Variants in KLHL11 observed in about 807,000 individuals in gnomAD.
KLHL11 encodes the protein kelch like family member 11, also known as kelch-like protein 11.
In KLHL11, 26 loss-of-function variants were observed where a neutral mutation model predicts 56.1. The ratio of observed to expected loss-of-function variants is 0.46; its 90% CI spans 0.34 to 0.64. KLHL11 has a LOEUF of 0.64. Among genes scored for constraint, KLHL11 ranks in the 30% least tolerant of loss-of-function variants. The pLI is 0.01. For missense variants in KLHL11, 627 were observed against 919.4 expected, an observed-to-expected ratio of 0.68 and a Z score of 4.11; for synonymous variants, 338 against 345.8, an observed-to-expected ratio of 0.98 and a Z score of 0.25.
rs1420491156 is a variant in KLHL11, at chr17:41,854,584, G to C, written c.1283C>G (p.Pro428Arg). 38 of 1,614,032 alleles carry C rather than the reference G, an allele frequency of 2.4e-5. No homozygotes were observed. Among genetic ancestry groups the C allele is most frequent in the Non-Finnish European group, 3.2e-5 (38 of 1,180,028 alleles). Residue 428 changes from proline to arginine, a missense_variant, in exon 2 of 2, where the codon CCA becomes CGA. Physicochemically the swap from Pro to Arg is moderately radical, Grantham distance 103. Around this residue, in one of 4 missense-constraint regions of KLHL11, gnomAD observed 250 missense variants for 360.6 expected, o/e 0.69. Coordinates refer to ENST00000319121, the MANE Select transcript of KLHL11 (RefSeq NM_018143.3). The surrounding 1 kb of genome is among the most constrained non-coding windows in gnomAD (Gnocchi z 4.9). ...GFAKTVERYNPNLNTWEHVCS... is the reference protein window; with the variant it reads ...GFAKTVERYNRNLNTWEHVCS... ...AACATGTTCCCATGTATTCAAATTTGGGTTATACCTTTCTACAGTTTTAGC... is the reference window on the plus strand; with the variant it reads ...AACATGTTCCCATGTATTCAAATTTCGGTTATACCTTTCTACAGTTTTAGC...
At position 41,854,538 on chromosome 17, in the gene KLHL11, C is replaced by G; in HGVS notation, c.1329G>C (p.Lys443Asn). The G allele has an allele frequency of 6.2e-7, 1 of 1,614,182 alleles. No individual in the cohort carries two copies. Among genetic ancestry groups the G allele is most frequent in the Non-Finnish European group, 8.5e-7 (1 of 1,180,028 alleles). Reference sequence around the variant, plus strand: ...TGACTTCTGTTAGTCCAAAAGAATGCTTTCTTGTCATCAGACTACAAACAT... The same window carrying G: ...TGACTTCTGTTAGTCCAAAAGAATGGTTTCTTGTCATCAGACTACAAACAT... ...WEHVCSLMTR[K>N]HSFGLTEVKG... Residue 443 changes from lysine to asparagine, a missense_variant, in exon 2 of 2, where the codon AAG becomes AAC. Lys to Asn is a moderately conservative substitution (Grantham distance 94). Coordinates refer to ENST00000319121, the MANE Select transcript of KLHL11 (RefSeq NM_018143.3). The surrounding 1 kb of genome is among the most constrained non-coding windows in gnomAD (Gnocchi z 4.9).
At chr17:41,861,019 A>C (rs1464911954) in intron 1 of KLHL11, among the ~76,000 whole-genome samples, 1 of 152,228 alleles carries the variant, frequency 6.6e-6, no homozygotes, top group Non-Finnish European at 1.5e-5. Flanking sequence ...ACAGGGATGC[A>C]AACAGGCTTT....
At chr17:41,861,259 C>T (rs1174580877) in intron 1 of KLHL11, among the ~76,000 whole-genome samples, 3 of 152,186 alleles carry the variant, frequency 2.0e-5, no homozygotes, top group Non-Finnish European at 1.5e-5. Flanking sequence ...ATTCCAAGCC[C>T]CTATTCCTTT....
At position 41,849,384 on chromosome 17, in the gene KLHL11, GAC is replaced by G. The variant is rs2048319414; in HGVS notation, c.*4354_*4355del. 1 of 152,086 alleles carries G rather than the reference GAC, an allele frequency of 6.6e-6. No homozygotes were observed. The highest frequency in any genetic ancestry group is 2.4e-5 in the African/African-American group (1 of 41,380). 9.4% of individuals were successfully genotyped at this position (152,086 alleles called of 1,614,324 possible). On this transcript the variant is annotated 3_prime_UTR_variant, in exon 2 of 2. Coordinates refer to ENST00000319121, the MANE Select transcript of KLHL11 (RefSeq NM_018143.3). Reference sequence around the variant, plus strand: ...TCCTGTCTACATACAGTATAGTGTTGACTTTAGAATTACAAAGCAGAAAATGA... The same window carrying G: ...TCCTGTCTACATACAGTATAGTGTTGTTTAGAATTACAAAGCAGAAAATGA...
chr17:41,855,110 G>T lies in KLHL11; in HGVS notation c.757C>A (p.Leu253Ile), dbSNP rs782389445. 6.2e-7 allele frequency: 1 copy of T among 1,614,090 alleles called. No homozygotes were observed. The highest frequency in any genetic ancestry group is 8.5e-7 in the Non-Finnish European group (1 of 1,179,970). Residue 253 changes from leucine (L) to isoleucine (I), a missense_variant, in exon 2 of 2, where the codon CTT (leucine) becomes ATT (isoleucine). Leu to Ile is a conservative substitution (Grantham distance 5, BLOSUM62 2). Transcript: ENST00000319121. ...TLPFHLIRDWLSDLEITVDSE... is the reference protein window; with the variant it reads ...TLPFHLIRDWISDLEITVDSE... ...TCAACTGTAATTTCCAAATCTGAAA[G>T]CCAGTCTCTAATGAGATGGAAAGGT...
rs782573058 is a variant in KLHL11, at chr17:41,865,257, G to C, written c.114C>G (p.Ala38=). The part of the protein sequence containing the change: ...TAAAGSAGLA[A]EVRGSGTVDF... ...CCACCGTGCCGCTGCCTCGGACCTC[G>C]GCGGCCAGTCCTGCCGAGCCGGCGG... Residue 38 remains alanine (A), a synonymous_variant, in exon 1 of 2, where the codon GCC becomes GCG. Coordinates refer to ENST00000319121, the MANE Select transcript of KLHL11 (RefSeq NM_018143.3). 3 of 1,586,136 alleles carry C rather than the reference G, an allele frequency of 1.9e-6. No homozygotes were observed. In the Admixed American group the frequency reaches 5.2e-5, roughly 27 times the overall value.
chr17:41,862,439 A>AT (rs35656663), intron 1 of KLHL11, among the ~76,000 whole-genome samples: 21,523 of 145,140 alleles, frequency 0.15, 1,682 homozygotes, highest in East Asian at 0.18. Flanking sequence ...TGCCTGGCTA[A>AT]TTTTTTTTTT....
intron 1 of KLHL11, among the ~76,000 whole-genome samples, chr17:41,861,777 T>C (rs1420785115): frequency 2.0e-5 from 3 of 151,206 alleles, no homozygotes; most frequent in Non-Finnish European, 4.4e-5. Flanking sequence ...TCCCGACAGT[T>C]CCCTTCTTGG....
In KLHL11 at chr17:41,853,248, T is replaced by C. The variant is rs1320820981; in HGVS notation, c.*492A>G. ...ATTCTCAAATTATCTTGCTGAAATA[T>C]TGAGTGTTTTCATTCAAATTTCAGT... On this transcript the variant is annotated 3_prime_UTR_variant, in exon 2 of 2. Transcript: ENST00000319121. 2.0e-5 allele frequency among the ~76,000 whole-genome samples: 3 copies of C among 152,222 alleles called. No homozygotes were observed. The highest frequency in any genetic ancestry group is 6.5e-5 in the Admixed American group (1 of 15,280).
intron 1 of KLHL11, among the ~76,000 whole-genome samples, chr17:41,860,292 T>A (rs1376794673): frequency 1.3e-5 from 2 of 151,864 alleles, no homozygotes; most frequent in African/African-American, 4.8e-5. Flanking sequence ...ACACTTGGCA[T>A]CTGTCATGTG....
At position 41,855,125 on chromosome 17, in the gene KLHL11, G is replaced by C. The variant is rs782014124; in HGVS notation, c.742C>G (p.Leu248Val). 3.7e-6 allele frequency: 6 copies of C among 1,613,976 alleles called. No individual in the cohort carries two copies. Among genetic ancestry groups the C allele is most frequent in the South Asian group, 1.1e-5 (1 of 91,078 alleles). ...DEEFYTLPFH[L>V]IRDWLSDLEI... ...AAATCTGAAAGCCAGTCTCTAATGA[G>C]ATGGAAAGGTAACGTATAAAATTCT... The change falls in exon 2 of 2, where the codon CTC becomes GTC. Residue 248 changes from leucine to valine, a missense_variant. Leu to Val is a conservative substitution (Grantham distance 32). Coordinates refer to ENST00000319121, the MANE Select transcript of KLHL11 (RefSeq NM_018143.3).
intron 1 of KLHL11, 113 bp from the exon 2 acceptor site, chr17:41,855,434 AG>A (rs2048358681): frequency 4.1e-6 from 3 of 732,892 alleles, no homozygotes; most frequent in Non-Finnish European, 6.5e-6. Context: ...GTTGGAGTGC[AG>A]TGGCGTGATC....
intron 1 of KLHL11, among the ~76,000 whole-genome samples, chr17:41,858,263 G>A (rs1402025717): frequency 2.6e-4 from 31 of 119,684 alleles, no homozygotes; most frequent in African/African-American, 8.0e-4. Flanking sequence ...GATTCTCACC[G>A]TTACCCAGGC....
At chr17:41,861,871 C>T (rs2048405443) in intron 1 of KLHL11, among the ~76,000 whole-genome samples, 1 of 152,096 alleles carries the variant, frequency 6.6e-6, no homozygotes, top group African/African-American at 2.4e-5. Flanking sequence ...TTCAGCAGCA[C>T]ACAGACATGC....
In KLHL11 at chr17:41,865,334, C is replaced by G; in HGVS notation, c.37G>C (p.Ala13Pro). The stretch of plus-strand genomic sequence containing the variant: ...AGTACCTGAAGAGATGCAGCCGCGG[C>G]CGCCGCCGCCGCCGCCGCCACTGCC... ...AAAVAAAAAA[A>P]AAASLQVLEM... The change falls in exon 1 of 2, where the codon GCC becomes CCC. Residue 13 changes from alanine to proline, a missense_variant. Coordinates refer to ENST00000319121, the MANE Select transcript of KLHL11 (RefSeq NM_018143.3). The G allele has an allele frequency of 1.4e-6, 2 of 1,379,414 alleles. No homozygotes were observed. Among genetic ancestry groups the G allele is most frequent in the Non-Finnish European group, 9.4e-7 (1 of 1,068,848 alleles). 85.4% of individuals were successfully genotyped at this position (1,379,414 alleles called of 1,614,324 possible). A position where few individuals can be genotyped will look rare whatever the true frequency, so the allele number is the denominator to read the frequency against.
chr17:41,857,189 A>C (rs1302205208), intron 1 of KLHL11, among the ~76,000 whole-genome samples: 1 of 151,596 alleles, frequency 6.6e-6, no homozygotes, highest in Non-Finnish European at 1.5e-5. Flanking sequence ...CCTGGGCAAC[A>C]TAGCAAGACT....
rs138987988 is a variant in KLHL11 at position 41,854,926 on chromosome 17, T to C, written c.941A>G (p.Asn314Ser). The C allele has an allele frequency of 2.0e-5, 33 of 1,614,130 alleles. No homozygotes were observed. The highest frequency in any genetic ancestry group is 7.7e-5 in the South Asian group (7 of 91,092). The change falls in exon 2 of 2, where the codon AAT (asparagine) becomes AGT (serine). Residue 314 changes from asparagine (N) to serine (S), a missense_variant. Physicochemically the swap from Asn to Ser is conservative, Grantham distance 46. Around this residue, in one of 4 missense-constraint regions of KLHL11, gnomAD observed 106 missense variants for 227.0 expected, o/e 0.47. Transcript: ENST00000319121. The surrounding 1 kb of genome is among the most constrained non-coding windows in gnomAD (Gnocchi z 4.9). ...RHVKPERLVA[N>S]NEVCVKLVAD... ...GACCAACTTGACACAAACTTCATTA[T>C]TGGCTACCAGCCTCTCTGGTTTGAC...
In KLHL11 at chr17:41,864,855, G is replaced by A. The variant is rs1555623373; in HGVS notation, c.516C>T (p.Ser172=). 1 of 1,549,456 alleles carries A rather than the reference G, an allele frequency of 6.5e-7. No individual in the cohort carries two copies. The highest frequency in any genetic ancestry group is 1.9e-5 in the Admixed American group (1 of 52,306). The change falls in exon 1 of 2, where the codon AGC becomes AGT. Residue 172 remains serine, a synonymous_variant. Transcript: ENST00000319121. ...CGGCCAACTCCAGCACCTCGTGCAC[G>A]CTGCCCGTGCTGACGCGGATGCGCC... ...YTGRIRVSTG[S]VHEVLELADR... is the part of the protein sequence containing the mutation.
chr17:41,851,882 A>C lies in KLHL11; in HGVS notation c.*1858T>G. On this transcript the variant is annotated 3_prime_UTR_variant, in exon 2 of 2. Transcript: ENST00000319121. ...GCCGAGATCATACCACTGTACTCCA[A>C]CCTGGGTGACAAAGTGGGACCCCAT... Among the ~76,000 whole-genome samples, 1 of 151,708 alleles carries C rather than the reference A, an allele frequency of 6.6e-6. No individual in the cohort carries two copies. The highest frequency in any genetic ancestry group is 1.9e-4 in the East Asian group (1 of 5,164).
Sources: gnomAD v4.1 joint callset for allele counts (sites outside exome capture counted in the v4.1 genomes callset) on GRCh38, gnomAD v4.1.1 for gene constraint, gnomAD v4.1.1 regional missense constraint, Gnocchi (gnomAD v3.1) non-coding constraint, MANE v1.5 for transcripts, NCBI Gene and HGNC (gene_info 2026-07-23, HGNC 2026-07-21) for gene names.